Variants in DMXL1 observed in about 807,000 individuals in gnomAD.
The protein encoded by DMXL1 is Dmx like 1.
In DMXL1, 99 loss-of-function variants were observed where a neutral mutation model predicts 319.2. That is an observed-to-expected ratio of 0.31 (90% confidence interval 0.26 to 0.37). DMXL1 has a LOEUF of 0.37. Ranked by LOEUF, DMXL1 falls within the 10% of genes least tolerant of loss-of-function variation. The pLI is 1.00. For missense variants in DMXL1, 3,745 were observed against 3,595.6 expected (o/e 1.04, Z -1.06); for synonymous variants, 1,385 against 1,235.2 (o/e 1.12, Z -2.54).
At chr5:119,071,715 CGAGCTTGGCCCAGAACGACGGGCA>C (rs1749613454) in intron 1 of DMXL1, 59 bp downstream of exon 1, 3 of 1,483,646 alleles carry the variant, frequency 2.0e-6, no homozygotes, top group African/African-American at 1.4e-5. Context: ...CATTCTGGGC[CGAGCTTGGCCCAGAACGACGGGCA>C]GAGGCGCGAG....
chr5:119,152,794 A>G (rs563228558), intron 19 of DMXL1, among the ~76,000 whole-genome samples: 1 of 152,290 alleles, frequency 6.6e-6, no homozygotes, highest in East Asian at 1.9e-4. Context: ...TTGGAACTAT[A>G]GGTTTAAAAA....
rs560182376 is a variant in DMXL1, at chr5:119,169,183, C to A, written c.5399-1007C>A. On this transcript the variant is annotated intron_variant, in intron 23 of 43. Coordinates refer to ENST00000539542, the MANE Select transcript of DMXL1 (RefSeq NM_001290321.3). ...ATGAGCCACCACACCTGGCCCTGGCCCACTTTCTTATACTTAACACATATT... is the reference window on the plus strand; with the variant it reads ...ATGAGCCACCACACCTGGCCCTGGCACACTTTCTTATACTTAACACATATT... Among the ~76,000 whole-genome samples, 82 of 152,186 alleles carry A rather than the reference C, an allele frequency of 5.4e-4. 1 individual carries two copies. Among genetic ancestry groups the A allele is most frequent in the Admixed American group, 1.0e-3 (16 of 15,286 alleles).
intron 38 of DMXL1, among the ~76,000 whole-genome samples, chr5:119,226,298 G>A (rs1310734534): frequency 6.6e-6 from 1 of 152,022 alleles, no homozygotes; most frequent in African/African-American, 2.4e-5. Context: ...AAGTCCCACA[G>A]GTAGTAATTT....
At chr5:119,102,314 T>C in intron 3 of DMXL1, 1 of 224,042 alleles carries the variant, frequency 4.5e-6, no homozygotes, top group Non-Finnish European at 8.7e-6. Flanking sequence ...AATACCGTTG[T>C]CCAGCCATAT....
chr5:119,152,291 T>A (rs1769981879), intron 19 of DMXL1, among the ~76,000 whole-genome samples: 1 of 152,216 alleles, frequency 6.6e-6, no homozygotes, highest in Non-Finnish European at 1.5e-5. Context: ...ATGCATGATA[T>A]GTTCAAGGCA....
intron 13 of DMXL1, among the ~76,000 whole-genome samples, chr5:119,142,719 G>T (rs1189828621): frequency 1.3e-5 from 2 of 151,892 alleles, no homozygotes; most frequent in Non-Finnish European, 2.9e-5. Flanking sequence ...TCATTCTGTG[G>T]TAAGGGCACA....
At chr5:119,212,337 C>T (rs1782948857) in intron 34 of DMXL1, among the ~76,000 whole-genome samples, 1 of 152,138 alleles carries the variant, frequency 6.6e-6, no homozygotes, top group African/African-American at 2.4e-5. Context: ...GTTTATTTCA[C>T]CAAGCATAAT....
intron 3 of DMXL1, chr5:119,104,117 A>G (rs886293275): frequency 2.6e-5 from 4 of 152,136 alleles, no homozygotes; most frequent in African/African-American, 9.7e-5. Flanking sequence ...TTTTCTTTGT[A>G]TATTATGGAG....
chr5:119,148,139 A>G (rs756362795), intron 17 of DMXL1, among the ~76,000 whole-genome samples: 13 of 152,202 alleles, frequency 8.5e-5, no homozygotes, highest in Non-Finnish European at 1.6e-4. Flanking sequence ...GCAAATGTTA[A>G]GTTGTAGTTA....
In DMXL1 at chr5:119,092,030, A is replaced by G. The variant is rs74413874; in HGVS notation, c.88-5949A>G. Among the ~76,000 whole-genome samples, 983 of 152,334 alleles carry G rather than the reference A, an allele frequency of 6.5e-3. 9 individuals carry two copies. The highest frequency in any genetic ancestry group is 0.012 in the Admixed American group (185 of 15,304). Reference sequence around the variant, plus strand: ...ATGGTGGGGAAGCTGGCTGTTCACCATAATCTCCCTTTTTCCAGTGTAGAA... The same window carrying G: ...ATGGTGGGGAAGCTGGCTGTTCACCGTAATCTCCCTTTTTCCAGTGTAGAA... On this transcript the variant is annotated intron_variant, in intron 1 of 43. Transcript: ENST00000539542.
chr5:119,071,409 G>C lies in DMXL1; in HGVS notation c.-161G>C. The stretch of plus-strand genomic sequence containing the variant: ...CGCCCTCCGGGGCTCGGGATGAGTC[G>C]CGGGCCCCAGCTGAGCGGCTCCGGC... On this transcript the variant is annotated 5_prime_UTR_variant, in exon 1 of 44. Coordinates refer to ENST00000539542, the MANE Select transcript of DMXL1 (RefSeq NM_001290321.3). The C allele has an allele frequency of 1.5e-6, 1 of 676,856 alleles. No homozygotes were observed. The highest frequency in any genetic ancestry group is 2.5e-6 in the Non-Finnish European group (1 of 405,446). 41.9% of individuals were successfully genotyped at this position (676,856 alleles called of 1,614,324 possible).
At chr5:119,113,322 A>C (rs919070011) in intron 5 of DMXL1, among the ~76,000 whole-genome samples, 4 of 151,996 alleles carry the variant, frequency 2.6e-5, no homozygotes, top group African/African-American at 9.7e-5. Context: ...GCTCACTGCA[A>C]CCTCTACCTC....
chr5:119,116,478 C>A, intron 7 of DMXL1, 142 bp downstream of exon 7: 1 of 863,982 alleles, frequency 1.2e-6, no homozygotes, highest in Non-Finnish European at 1.8e-6. Context: ...CGTCTCTGGC[C>A]TGCACATCTC....
At chr5:119,155,974 C>T (rs1242759874) in intron 19 of DMXL1, among the ~76,000 whole-genome samples, 1 of 152,112 alleles carries the variant, frequency 6.6e-6, no homozygotes, top group African/African-American at 2.4e-5. Context: ...TTAGAATAGT[C>T]TGTAAACTTA....
Position 119,133,954 on chromosome 5 carries a change from A to G in DMXL1, c.2030A>G (p.Asn677Ser), listed in dbSNP as rs746092433. The change falls in exon 12 of 44, where the codon AAT becomes AGT. Residue 677 changes from asparagine to serine, a missense_variant. By Grantham distance (46) the Asn-to-Ser change is conservative. Transcript: ENST00000539542. ...CCAGAGCAACCTTTTGATGCTCTAA[A>G]TATTGAAGAATGCTCTTTGACACAA... Reference protein sequence around the residue: ...DNPEQPFDALNIEECSLTQQN... With the variant: ...DNPEQPFDALSIEECSLTQQN... 2 of 1,614,202 alleles carry G rather than the reference A, an allele frequency of 1.2e-6. No homozygotes were observed. Among genetic ancestry groups the G allele is most frequent in the Non-Finnish European group, 8.5e-7 (1 of 1,180,032 alleles).
intron 19 of DMXL1, among the ~76,000 whole-genome samples, chr5:119,153,589 C>T (rs1427781336): frequency 6.6e-6 from 1 of 152,240 alleles, no homozygotes; most frequent in Non-Finnish European, 1.5e-5. Flanking sequence ...ATCCTGTCCC[C>T]AGCCTTGGGC....
At chr5:119,099,497 GC>G (rs1451182554) in intron 2 of DMXL1, among the ~76,000 whole-genome samples, 1 of 152,048 alleles carries the variant, frequency 6.6e-6, no homozygotes, top group African/African-American at 2.4e-5. Context: ...GAGCCACTGC[GC>G]CCAGCCTATC....
Position 119,175,322 on chromosome 5 carries a change from G to A in DMXL1, c.6743G>A (p.Gly2248Asp). 2 of 1,610,580 alleles carry A rather than the reference G, an allele frequency of 1.2e-6. No homozygotes were observed. The highest frequency in any genetic ancestry group is 1.7e-6 in the Non-Finnish European group (2 of 1,177,966). Residue 2248 changes from glycine to aspartate, a missense_variant, in exon 26 of 44, where the codon GGT becomes GAT. Transcript: ENST00000539542. ...GCTTGTATTTATCAGTGCCTTTGTGGTAGTCATAACTACAGGTAACTATCT... is the reference window on the plus strand; with the variant it reads ...GCTTGTATTTATCAGTGCCTTTGTGATAGTCATAACTACAGGTAACTATCT... ...LSACIYQCLC[G>D]SHNYSSFQTN...
intron 33 of DMXL1, among the ~76,000 whole-genome samples, chr5:119,205,843 C>A (rs1039257090): frequency 6.6e-5 from 10 of 152,024 alleles, no homozygotes; most frequent in Non-Finnish European, 1.0e-4. Context: ...CCTTCCATCT[C>A]TTATTTTTCT....
Sources: gnomAD v4.1 joint callset for allele counts (sites outside exome capture counted in the v4.1 genomes callset) on GRCh38, gnomAD v4.1.1 for gene constraint, MANE v1.5 for transcripts, NCBI Gene and HGNC (gene_info 2026-07-23, HGNC 2026-07-21) for gene names.